Variants in ZFAND3 observed in about 807,000 individuals in gnomAD.
The protein encoded by ZFAND3 is AN1-type zinc finger protein 3.
A neutral mutation model predicts 29.6 loss-of-function variants in ZFAND3; 10 were observed. The observed-to-expected ratio is 0.34, with a 90% confidence interval of 0.21 to 0.57. ZFAND3 has a LOEUF of 0.57. ZFAND3 is among the 20% of genes least tolerant of loss of function. The pLI is 0.86. For missense variants in ZFAND3, 230 were observed against 304.5 expected, an observed-to-expected ratio of 0.76 and a Z score of 1.82; for synonymous variants, 128 against 112.6, an observed-to-expected ratio of 1.14 and a Z score of -0.87.
intron 2 of ZFAND3, among the ~76,000 whole-genome samples, chr6:37,944,149 T>G (rs1373758549): frequency 6.6e-6 from 1 of 152,204 alleles, no homozygotes; most frequent in Non-Finnish European, 1.5e-5. Context: ...ATGCATACAG[T>G]TATTTAGATG....
At chr6:37,986,560 T>A (rs1202950070) in intron 2 of ZFAND3, among the ~76,000 whole-genome samples, 2 of 152,188 alleles carry the variant, frequency 1.3e-5, no homozygotes, top group African/African-American at 4.8e-5. Flanking sequence ...GTTTAGTGGA[T>A]AAAAATAAGC....
chr6:37,958,222 G>GT (rs2127423454), intron 2 of ZFAND3, among the ~76,000 whole-genome samples: 1 of 152,318 alleles, frequency 6.6e-6, no homozygotes, highest in South Asian at 2.1e-4. Flanking sequence ...GGGAGACCAA[G>GT]GTGGGCAGAT....
At chr6:37,862,665 C>T (rs1008560354) in intron 1 of ZFAND3, among the ~76,000 whole-genome samples, 3 of 150,936 alleles carry the variant, frequency 2.0e-5, no homozygotes, top group African/African-American at 7.3e-5. Flanking sequence ...GATCGTGCCA[C>T]AACACTCCAG....
chr6:37,854,964 GTTTTTTTTTTTT>G (rs34283914), intron 1 of ZFAND3, among the ~76,000 whole-genome samples: 4,347 of 79,118 alleles, frequency 0.055, 227 homozygotes, highest in African/African-American at 0.15. Flanking sequence ...AATAATAGGT[GTTTTTTTTTTTT>G]TTTTTTTTTT....
intron 5 of ZFAND3, among the ~76,000 whole-genome samples, chr6:38,123,152 A>T (rs1371701050): frequency 6.6e-6 from 1 of 152,238 alleles, no homozygotes; most frequent in Non-Finnish European, 1.5e-5. Context: ...CAAGGGAATG[A>T]TCTAGAGAGA....
chr6:37,964,184 C>T (rs548284610), intron 2 of ZFAND3, among the ~76,000 whole-genome samples: 25 of 152,240 alleles, frequency 1.6e-4, no homozygotes, highest in Non-Finnish European at 3.2e-4. Flanking sequence ...TTTCAAAGAT[C>T]AGGTAATAAA....
intron 1 of ZFAND3, among the ~76,000 whole-genome samples, chr6:37,914,689 G>T (rs1761205767): frequency 3.6e-5 from 1 of 27,942 alleles, no homozygotes; most frequent in Non-Finnish European, 8.5e-5. Flanking sequence ...TTTTAGTGGA[G>T]ACGGGGTTTC....
At chr6:37,939,322 T>C (rs1293033806) in intron 2 of ZFAND3, among the ~76,000 whole-genome samples, 1 of 152,210 alleles carries the variant, frequency 6.6e-6, no homozygotes, top group Non-Finnish European at 1.5e-5. Context: ...CCTTTGCTCA[T>C]AGACATATCA....
chr6:38,111,418 G>C (rs1765314025), intron 4 of ZFAND3, among the ~76,000 whole-genome samples: 2 of 152,194 alleles, frequency 1.3e-5, no homozygotes, highest in Non-Finnish European at 2.9e-5. Flanking sequence ...ATCTAGAGAA[G>C]ATTAAAGTAC....
chr6:38,041,093 G>A (rs1049974989), intron 2 of ZFAND3, among the ~76,000 whole-genome samples: 11 of 152,196 alleles, frequency 7.2e-5, no homozygotes, highest in African/African-American at 2.2e-4. Flanking sequence ...TAAGGGGTAT[G>A]GGCCAGTTAT....
intron 2 of ZFAND3, among the ~76,000 whole-genome samples, chr6:37,961,609 A>C (rs773798888): frequency 1.3e-5 from 2 of 152,260 alleles, no homozygotes; most frequent in Non-Finnish European, 2.9e-5. Flanking sequence ...TGGTGGCCAT[A>C]GGAGTACTTG....
At chr6:37,930,985 T>A (rs1352559484) in intron 2 of ZFAND3, among the ~76,000 whole-genome samples, 1 of 152,126 alleles carries the variant, frequency 6.6e-6, no homozygotes, top group Non-Finnish European at 1.5e-5. Context: ...GCAGGGGACT[T>A]GGCAGGGTGG....
intron 2 of ZFAND3, among the ~76,000 whole-genome samples, chr6:38,041,626 T>TTCC: frequency 1.3e-5 from 1 of 75,678 alleles, no homozygotes; most frequent in Admixed American, 1.2e-4. Flanking sequence ...TTTTTTTATC[T>TTCC]ACTTTTTCTT....
chr6:37,864,759 ACACAC>A (rs1764556906), intron 1 of ZFAND3, among the ~76,000 whole-genome samples: 1 of 151,284 alleles, frequency 6.6e-6, no homozygotes, highest in African/African-American at 2.4e-5. Flanking sequence ...ACACACACAC[ACACAC>A]ACACACATGC....
At chr6:37,909,259 AT>A (rs1472574000) in intron 1 of ZFAND3, among the ~76,000 whole-genome samples, 8 of 149,662 alleles carry the variant, frequency 5.3e-5, no homozygotes, top group East Asian at 3.9e-4. Flanking sequence ...ACAAAACGAG[AT>A]TTTTTTTCTT....
In ZFAND3 at chr6:37,931,754, T is replaced by A. The variant is rs143946441; in HGVS notation, c.112+1755T>A. On this transcript the variant is annotated intron_variant, in intron 2 of 5. Transcript: ENST00000287218. The stretch of plus-strand genomic sequence containing the variant: ...AGAGATTTTTTTTGTTGTTGTTAAT[T>A]TTAATCTATTCATTATGCTATTTGG... Among the ~76,000 whole-genome samples the A allele has an allele frequency of 2.9e-3, 447 of 152,174 alleles. 5 individuals are homozygous for A. The highest frequency in any genetic ancestry group is 9.8e-3 in the African/African-American group (408 of 41,528).
At chr6:37,993,120 T>C (rs1762788195) in intron 2 of ZFAND3, among the ~76,000 whole-genome samples, 1 of 152,178 alleles carries the variant, frequency 6.6e-6, no homozygotes, top group Non-Finnish European at 1.5e-5. Context: ...CTGTGTAATC[T>C]GGTGAGTTCA....
At chr6:38,045,438 A>G (rs541666130) in intron 2 of ZFAND3, among the ~76,000 whole-genome samples, 6 of 152,260 alleles carry the variant, frequency 3.9e-5, no homozygotes, top group Admixed American at 6.5e-5. Context: ...TTATGCATGC[A>G]TTCTTTGCCT....
chr6:37,918,107 CG>C (rs1371177265), intron 1 of ZFAND3, among the ~76,000 whole-genome samples: 1 of 151,906 alleles, frequency 6.6e-6, no homozygotes, highest in African/African-American at 2.4e-5. Context: ...TATGGAGTCT[CG>C]CTCTGTTGCC....
Sources: gnomAD v4.1 joint callset for allele counts (sites outside exome capture counted in the v4.1 genomes callset) on GRCh38, gnomAD v4.1.1 for gene constraint, MANE v1.5 for transcripts, NCBI Gene and HGNC (gene_info 2026-07-23, HGNC 2026-07-21) for gene names.